The following ACHE variants were observed in gnomAD, a reference collection of about 807,000 sequenced individuals.
The protein encoded by ACHE is acetylcholinesterase (Yt blood group), also known as acetylcholinesterase.
A neutral mutation model predicts 53.9 loss-of-function variants in ACHE; 19 were observed. That is an observed-to-expected ratio of 0.35 (90% CI 0.25 to 0.52). The LOEUF (loss-of-function observed/expected upper bound fraction) is 0.52, where lower values mean the gene tolerates loss of function less well. Ranked by LOEUF, ACHE falls within the 20% of genes least tolerant of loss-of-function variation. ACHE has a pLI of 0.95. For missense variants in ACHE, 605 were observed against 849.4 expected (o/e 0.71, Z 3.58); for synonymous variants, 392 against 378.1 (o/e 1.04, Z -0.43).
intron 2 of ACHE, 42 bp downstream of exon 2, chr7:100,893,123 G>A (rs1563036561): frequency 6.3e-6 from 10 of 1,592,222 alleles, no homozygotes; most frequent in Non-Finnish European, 8.6e-6. Flanking sequence ...GGACCGTTGG[G>A]ACCCAGAGGA....
At chr7:100,896,612 C>T (rs1479676428), upstream of ACHE, 10 of 267,232 alleles carry the variant, frequency 3.7e-5, no homozygotes, top group Non-Finnish European at 5.6e-5. Context: ...CCGCACTCCG[C>T]GGCGGCAGTG....
intron 3 of ACHE, 135 bp from the exon 4 acceptor site, chr7:100,891,473 A>C: frequency 3.6e-6 from 3 of 840,832 alleles, no homozygotes; most frequent in Non-Finnish European, 5.1e-6. Flanking sequence ...ACTTTCTCCA[A>C]TGTGCGCGGT....
rs765871887 is a variant in ACHE, at chr7:100,890,315, G to T, written c.1744C>A (p.Arg582Ser). ...SATDTLDEAE[R>S]QWKAEFHRWS... is the part of the protein sequence containing the mutation. ...CGGTGGAACTCGGCCTTCCACTGGCGCTCCGCCTCGTCGAGCGTGTCTGCG... is the reference window on the plus strand; with the variant it reads ...CGGTGGAACTCGGCCTTCCACTGGCTCTCCGCCTCGTCGAGCGTGTCTGCG... The change falls in exon 5 of 5, where the codon CGC (arginine) becomes AGC (serine). Residue 582 changes from arginine to serine, a missense_variant. By Grantham distance (110) the Arg-to-Ser change is moderately radical. Around this residue, in one of 4 missense-constraint regions of ACHE, gnomAD observed 28 missense variants for 54.8 expected, o/e 0.51. Transcript: ENST00000241069. 6.2e-7 allele frequency: 1 copy of T among 1,605,440 alleles called. No individual in the cohort carries two copies. Among genetic ancestry groups the T allele is most frequent in the South Asian group, 1.1e-5 (1 of 89,846 alleles).
At chr7:100,890,694 T>C in intron 4 of ACHE, 1 of 1,316,128 alleles carries the variant, frequency 7.6e-7, no homozygotes, top group Non-Finnish European at 9.7e-7. Flanking sequence ...GCCTCCCACT[T>C]CCCCCCAATG....
Position 100,892,579 on chromosome 7 carries a change from G to GT in ACHE, c.1307dup (p.His436GlnfsTer27). On this transcript the variant is annotated frameshift_variant, in exon 3 of 5. Coordinates refer to ENST00000241069, the MANE Select transcript of ACHE (RefSeq NM_000665.5). LOFTEE classifies it high-confidence loss of function. The surrounding 1 kb of genome is among the most constrained non-coding windows in gnomAD (Gnocchi z 5.2). Reference sequence around the variant, plus strand: ...GCTGGGCCACGGGGCACACGACATTGTGGTCGCCCACCACATCGCTCAGGG... The same window carrying GT: ...GCTGGGCCACGGGGCACACGACATTGTTGGTCGCCCACCACATCGCTCAGGG... The GT allele has an allele frequency of 6.2e-7, 1 of 1,613,306 alleles. No individual in the cohort carries two copies. The highest frequency in any genetic ancestry group is 8.5e-7 in the Non-Finnish European group (1 of 1,179,864).
At chr7:100,890,428 G>A in intron 4 of ACHE, 93 bp from the exon 5 acceptor site, 1 of 1,507,676 alleles carries the variant, frequency 6.6e-7, no homozygotes, top group African/African-American at 1.4e-5. Flanking sequence ...GGGGGTATGA[G>A]TGCAGGGAGG....
In ACHE at chr7:100,892,926, C is replaced by T. The variant is rs199677652; in HGVS notation, c.1069-108G>A. Reference sequence around the variant, plus strand: ...CCAGAGAGATGAACAGTTACAGACCCGGAACCATGGACAGAGAGAGGACGA... The same window carrying T: ...CCAGAGAGATGAACAGTTACAGACCTGGAACCATGGACAGAGAGAGGACGA... On this transcript the variant is annotated intron_variant, in intron 2 of 4. Transcript: ENST00000241069. This position sits in a 1 kb window ranked among gnomAD's most constrained non-coding sequence, Gnocchi z 5.2. 564 of 1,378,144 alleles carry T rather than the reference C, an allele frequency of 4.1e-4. No homozygotes were observed. Among genetic ancestry groups the T allele is most frequent in the Non-Finnish European group, 4.6e-4 (480 of 1,037,210 alleles). The allele number at this position is 1,378,144 out of a possible 1,614,324, so 85.4% of individuals were successfully genotyped here.
At position 100,890,576 on chromosome 7, in the gene ACHE, G is replaced by C. The variant is rs1790610690; in HGVS notation, c.1724-241C>G. ...GAAGGAGAGAGGAGGAGAAAAGAAT[G>C]ACCGGAAGACGGGAACAGAGGGGAC... On this transcript the variant is annotated intron_variant, in intron 4 of 4. Coordinates refer to ENST00000241069, the MANE Select transcript of ACHE (RefSeq NM_000665.5). 11 of 1,374,598 alleles carry C rather than the reference G, an allele frequency of 8.0e-6. No individual in the cohort carries two copies. In the East Asian group the frequency reaches 3.1e-4, roughly 38 times the overall value. The allele number at this position is 1,374,598 out of a possible 1,614,324, so 85.2% of individuals were successfully genotyped here.
chr7:100,892,655 A>G lies in ACHE; in HGVS notation c.1232T>C (p.Leu411Pro). 6.2e-7 allele frequency: 1 copy of G among 1,613,570 alleles called. No individual in the cohort carries two copies. Among genetic ancestry groups the G allele is most frequent in the Non-Finnish European group, 8.5e-7 (1 of 1,179,948 alleles). The change falls in exon 3 of 5, where the codon CTG (leucine) becomes CCG (proline). Residue 411 changes from leucine (L) to proline (P), a missense_variant. Leu to Pro is a moderately conservative substitution (Grantham distance 98). This residue lies in a region of ACHE where 397 missense variants were observed against 632.5 expected (regional missense o/e 0.63). Coordinates refer to ENST00000241069, the MANE Select transcript of ACHE (RefSeq NM_000665.5). This position sits in a 1 kb window ranked among gnomAD's most constrained non-coding sequence, Gnocchi z 5.2. Reference protein sequence around the residue: ...VSDLAAEAVVLHYTDWLHPED... With the variant: ...VSDLAAEAVVPHYTDWLHPED... Reference sequence around the variant, plus strand: ...GGGATGCAGCCAGTCTGTGTAATGCAGGACCACAGCCTCGGCTGCCAGGTC... The same window carrying G: ...GGGATGCAGCCAGTCTGTGTAATGCGGGACCACAGCCTCGGCTGCCAGGTC...
At chr7:100,891,707 TGAGA>T (rs1471753975) in intron 3 of ACHE, among the ~76,000 whole-genome samples, 1 of 151,984 alleles carries the variant, frequency 6.6e-6, no homozygotes, top group African/African-American at 2.4e-5. Flanking sequence ...GGTGTGTGTG[TGAGA>T]GAATGTGTCA....
intron 4 of ACHE, 86 bp from the exon 5 acceptor site, chr7:100,890,421 G>T: frequency 1.3e-6 from 2 of 1,531,604 alleles, no homozygotes; most frequent in Non-Finnish European, 8.8e-7. Flanking sequence ...TTGAAGGGGG[G>T]GTATGAGTGC....
At position 100,893,990 on chromosome 7, in the gene ACHE, C is replaced by T. The variant is rs747887610; in HGVS notation, c.243G>A (p.Pro81=). 10 of 1,610,222 alleles carry T rather than the reference C, an allele frequency of 6.2e-6. No individual in the cohort carries two copies. In the Admixed American group the frequency reaches 1.0e-4, roughly 16 times the overall value. The change falls in exon 2 of 5, where the codon CCG becomes CCA. Residue 81 remains proline (P), a synonymous_variant. Transcript: ENST00000241069. ...PPMGPRRFLP[P]EPKQPWSGVV... ...CCCCTGACCAAGGCTGCTTGGGCTCCGGTGGCAGAAAGCGACGGGGTCCCA... is the reference window on the plus strand; with the variant it reads ...CCCCTGACCAAGGCTGCTTGGGCTCTGGTGGCAGAAAGCGACGGGGTCCCA...
Position 100,893,407 on chromosome 7 carries a change from G to A in ACHE, c.826C>T (p.Arg276Cys). The A allele has an allele frequency of 1.9e-6, 3 of 1,611,836 alleles. No homozygotes were observed. Among genetic ancestry groups the A allele is most frequent in the Non-Finnish European group, 2.5e-6 (3 of 1,179,760 alleles). Residue 276 changes from arginine (R) to cysteine (C), a missense_variant, in exon 2 of 5, where the codon CGT (arginine) becomes TGT (cysteine). Physicochemically the swap from Arg to Cys is radical, Grantham distance 180. This residue lies in a region of ACHE where 397 missense variants were observed against 632.5 expected (regional missense o/e 0.63). Coordinates refer to ENST00000241069, the MANE Select transcript of ACHE (RefSeq NM_000665.5). ...PWATVGMGEA[R>C]RRATQLAHLV... is the part of the protein sequence containing the mutation. ...TGGGCCAGCTGCGTGGCCCTGCGAC[G>A]GGCCTCTCCCATGCCCACCGTGGCC...
upstream of ACHE, chr7:100,896,493 T>G: frequency 5.5e-6 from 1 of 181,940 alleles, no homozygotes; most frequent in South Asian, 6.1e-5. Flanking sequence ...CTAGTGGAAA[T>G]GAGGTGGGAG....
upstream of ACHE, chr7:100,896,834 G>A (rs889984187): frequency 9.7e-6 from 2 of 206,052 alleles, no homozygotes; most frequent in South Asian, 4.2e-5. Context: ...CCGCCCTCCA[G>A]GAGTTCACCC....
At position 100,894,153 on chromosome 7, in the gene ACHE, C is replaced by A; in HGVS notation, c.80G>T (p.Gly27Val). Residue 27 changes from glycine (G) to valine (V), a missense_variant, in exon 2 of 5, where the codon GGA becomes GTA. Gly to Val is a moderately radical substitution (Grantham distance 109, BLOSUM62 -3). Coordinates refer to ENST00000241069, the MANE Select transcript of ACHE (RefSeq NM_000665.5). ...CTCCCGGCCCTCAGCCCCCACTCCT[C>A]CACCCAGGAGCCAGAGGAGGAGGAG... ...LLLLLLWLLG[G>V]GVGAEGREDA... 1 of 1,487,836 alleles carries A rather than the reference C, an allele frequency of 6.7e-7. No homozygotes were observed. Among genetic ancestry groups the A allele is most frequent in the East Asian group, 2.3e-5 (1 of 42,836 alleles). 92.2% of individuals were successfully genotyped at this position (1,487,836 alleles called of 1,614,324 possible).
Position 100,893,849 on chromosome 7 carries a change from C to T in ACHE, c.384G>A (p.Leu128=). The change falls in exon 2 of 5, where the codon CTG becomes CTA. Residue 128 remains leucine, a synonymous_variant. Transcript: ENST00000241069. The stretch of plus-strand genomic sequence containing the variant: ...GGTATGGTGTCCACACGTTGAGGTA[C>T]AGGCAGTCCTCGCTCAGCTCACGGT... ...NPNRELSEDC[L]YLNVWTPYPR... The T allele has an allele frequency of 6.2e-7, 1 of 1,609,812 alleles. No homozygotes were observed.
rs1358733222 is a variant in ACHE at position 100,894,047 on chromosome 7, A to G, written c.186T>C (p.Ala62=). 4 of 1,592,134 alleles carry G rather than the reference A, an allele frequency of 2.5e-6. No individual in the cohort carries two copies. In the South Asian group the frequency reaches 3.4e-5, roughly 13 times the overall value. The change falls in exon 2 of 5, where the codon GCT becomes GCC. Residue 62 remains alanine (A), a synonymous_variant. Coordinates refer to ENST00000241069, the MANE Select transcript of ACHE (RefSeq NM_000665.5). ...GCTCCGCAAAGGGGATGCCCAGGAA[A>G]GCAGAGACAGGGCCCCCGGGGGTCT... ...RLKTPGGPVS[A]FLGIPFAEPP...
intron 3 of ACHE, 124 bp from the exon 4 acceptor site, chr7:100,891,462 C>A: frequency 1.1e-6 from 1 of 952,034 alleles, no homozygotes; most frequent in Non-Finnish European, 1.4e-6. Context: ...TCCCTCCCAC[C>A]ACTTTCTCCA....
Sources: allele counts gnomAD v4.1 joint callset (sites outside exome capture counted in the v4.1 genomes callset), GRCh38; gene constraint gnomAD v4.1.1; regional missense constraint gnomAD v4.1.1; non-coding constraint Gnocchi (gnomAD v3.1); transcripts MANE v1.5; gene names NCBI Gene and HGNC (gene_info 2026-07-23, HGNC 2026-07-21).